SHANK1: variants seen among roughly 807,000 people sequenced by gnomAD.
The protein encoded by SHANK1 is SH3 and multiple ankyrin repeat domains protein 1.
SHANK1 carries 35 observed loss-of-function variants against 165.6 expected under a neutral mutation model. The ratio of observed to expected loss-of-function variants is 0.21; its 90% CI spans 0.16 to 0.28. The LOEUF is 0.28. Among genes scored for constraint, SHANK1 ranks in the 10% least tolerant of loss-of-function variants. The pLI, the probability that SHANK1 is intolerant of heterozygous loss-of-function variation, is 1.00. For missense variants in SHANK1, 2,681 were observed against 3,036.4 expected, an observed-to-expected ratio of 0.88 and a Z score of 2.75; for synonymous variants, 1,428 against 1,384.8, an observed-to-expected ratio of 1.03 and a Z score of -0.69.
At chr19:50,704,052 C>T (rs978635041) in intron 10 of SHANK1, 68 bp downstream of exon 10, 107 of 1,512,160 alleles carry the variant, frequency 7.1e-5, no homozygotes, top group Admixed American at 1.7e-4. Context: ...TCCCCCAACT[C>T]CCCCATCCCA....
chr19:50,660,548 G>T lies in SHANK1; in HGVS notation c.*1417C>A, dbSNP rs558450700. Among the ~76,000 whole-genome samples, 18 of 152,176 alleles carry T rather than the reference G, an allele frequency of 1.2e-4. No homozygotes were observed. The South Asian group carries it at 3.3e-3, about 28-fold the overall frequency. The stretch of plus-strand genomic sequence containing the variant: ...ATAAAAAATAAGCGTGTCAGGAAAA[G>T]AAATGACAGTTACAGCCCAAGAGTG... On this transcript the variant is annotated 3_prime_UTR_variant, in exon 24 of 24. Transcript: ENST00000293441.
chr19:50,709,283 C>A (rs561751720), intron 8 of SHANK1, among the ~76,000 whole-genome samples: 13 of 151,956 alleles, frequency 8.6e-5, no homozygotes, highest in African/African-American at 2.7e-4. Context: ...GGACTACAGG[C>A]GCCCGCCACC....
chr19:50,718,230 C>A lies in SHANK1; in HGVS notation c.-44+1176G>T, dbSNP rs140703134. Among the ~76,000 whole-genome samples the A allele has an allele frequency of 4.0e-3, 615 of 152,148 alleles. 6 individuals carry two copies. Among genetic ancestry groups the A allele is most frequent in the African/African-American group, 0.014 (566 of 41,518 alleles). On this transcript the variant is annotated intron_variant, in intron 1 of 23. Coordinates refer to ENST00000293441, the MANE Select transcript of SHANK1 (RefSeq NM_016148.5). This position sits in a 1 kb window ranked among gnomAD's most constrained non-coding sequence, Gnocchi z 5.1. ...ACCCAGGGCCGGCGGACCCCTCCCC[C>A]ACGCGCGGCAGCGCTGCGAAGCCCC...
rs1392436794 is a variant in SHANK1 at position 50,660,851 on chromosome 19, G to A, written c.*1114C>T. On this transcript the variant is annotated 3_prime_UTR_variant, in exon 24 of 24. Coordinates refer to ENST00000293441, the MANE Select transcript of SHANK1 (RefSeq NM_016148.5). ...GGAGCCTGGCAAAGAAGAAGAGAAT[G>A]AGCATGTGTGAGAGAAACAGTTTCT... Among the ~76,000 whole-genome samples, 1 of 149,304 alleles carries A rather than the reference G, an allele frequency of 6.7e-6. No individual in the cohort carries two copies. The highest frequency in any genetic ancestry group is 2.0e-4 in the East Asian group (1 of 5,012).
At chr19:50,684,721 C>G (rs1986280993) in intron 21 of SHANK1, among the ~76,000 whole-genome samples, 1 of 152,152 alleles carries the variant, frequency 6.6e-6, no homozygotes, top group Admixed American at 6.5e-5. Flanking sequence ...AGACCCATGC[C>G]TGTATCCCCA....
chr19:50,689,463 C>T (rs754455402), intron 15 of SHANK1, 184 bp from the exon 16 acceptor site: 1 of 699,780 alleles, frequency 1.4e-6, no homozygotes, highest in Non-Finnish European at 2.6e-6. Flanking sequence ...GGGCTTCCCC[C>T]TCAGAGCCGG....
rs1985638835 is a variant in SHANK1 at position 50,668,285 on chromosome 19, C to T, written c.3675G>A (p.Thr1225=). The change falls in exon 23 of 24, where the codon ACG becomes ACA. Residue 1225 remains threonine (T), a synonymous_variant. Transcript: ENST00000293441. ...CCCCGAACTGGCTCGTGAAGTCCAG[C>T]GTGGCCGGGCCGCTGGGCGAGGCGG... ...PTPASPSGPA[T]LDFTSQFGAA... 7.6e-7 allele frequency: 1 copy of T among 1,324,092 alleles called. No individual in the cohort carries two copies. The highest frequency in any genetic ancestry group is 9.6e-7 in the Non-Finnish European group (1 of 1,044,764). The allele number at this position is 1,324,092 out of a possible 1,614,324, so 82.0% of individuals were successfully genotyped here. A position where few individuals can be genotyped will look rare whatever the true frequency, so the allele number is the denominator to read the frequency against.
chr19:50,687,516 G>A, intron 19 of SHANK1, 66 bp downstream of exon 19: 2 of 1,289,462 alleles, frequency 1.6e-6, no homozygotes, highest in Non-Finnish European at 2.1e-6. Context: ...ACGAACTCAA[G>A]GGATGGTCCA....
chr19:50,707,881 CT>C (rs1334357898), intron 8 of SHANK1, among the ~76,000 whole-genome samples: 1 of 2,596 alleles, frequency 3.9e-4, no homozygotes, highest in African/African-American at 2.8e-3. Flanking sequence ...GCGTGTTTTT[CT>C]TTTCTTTTCT....
At chr19:50,711,317 G>C in intron 8 of SHANK1, 54 bp downstream of exon 8, 1 of 1,233,050 alleles carries the variant, frequency 8.1e-7, no homozygotes. Context: ...TTGGCCCTGG[G>C]GGAGGCGGCT....
Position 50,711,502 on chromosome 19 carries a change from G to T in SHANK1, c.961-15C>A. 6.4e-7 allele frequency: 1 copy of T among 1,555,258 alleles called. No individual in the cohort carries two copies. The highest frequency in any genetic ancestry group is 2.4e-5 in the East Asian group (1 of 42,364). ...CGCTGGCAGGCCTGGGCAGGACAGG[G>T]AGCGAGGGGCATGGATCAGACCCAG... On this transcript the variant is annotated splice_polypyrimidine_tract_variant and intron_variant, in intron 7 of 23. Transcript: ENST00000293441.
chr19:50,714,353 C>T (rs2089045417), intron 4 of SHANK1, 63 bp from the exon 5 acceptor site: 1 of 1,422,378 alleles, frequency 7.0e-7, no homozygotes, highest in Admixed American at 1.8e-5. Context: ...AAGCAGGGTC[C>T]TCAAGCAGCG....
At chr19:50,711,612 T>G in intron 7 of SHANK1, 125 bp from the exon 8 acceptor site, 1 of 732,366 alleles carries the variant, frequency 1.4e-6, no homozygotes, top group Non-Finnish European at 2.3e-6. Context: ...CACCTCCCCA[T>G]CACCTTTTAG....
At chr19:50,701,364 T>G (rs1249734446) in intron 12 of SHANK1, among the ~76,000 whole-genome samples, 1 of 143,792 alleles carries the variant, frequency 7.0e-6, no homozygotes, top group African/African-American at 2.6e-5. Context: ...TTTTTTTTTT[T>G]GTATTTTTAG....
chr19:50,662,524 G>T lies in SHANK1; in HGVS notation c.5927C>A (p.Ser1976Tyr). 1 of 1,559,434 alleles carries T rather than the reference G, an allele frequency of 6.4e-7. No homozygotes were observed. Among genetic ancestry groups the T allele is most frequent in the Non-Finnish European group, 8.7e-7 (1 of 1,151,594 alleles). ...CTGGAGGTGGCGGGTGGACGTGGAG[G>T]AGGAGGAGGCTGAGGGTGAGGTGGC... ...PGATSPSASS[S>Y]STSTRHLQGV... Residue 1976 changes from serine to tyrosine, a missense_variant, in exon 24 of 24, where the codon TCC becomes TAC. Physicochemically the swap from Ser to Tyr is moderately radical, Grantham distance 144 (BLOSUM62 -2). Around this residue, in one of 10 missense-constraint regions of SHANK1, gnomAD observed 1,713 missense variants for 1,630.2 expected, o/e 1.05. Coordinates refer to ENST00000293441, the MANE Select transcript of SHANK1 (RefSeq NM_016148.5). This position sits in a 1 kb window ranked among gnomAD's most constrained non-coding sequence, Gnocchi z 7.7.
intron 23 of SHANK1, among the ~76,000 whole-genome samples, chr19:50,665,549 AG>A: frequency 7.5e-6 from 1 of 133,564 alleles, no homozygotes. Context: ...CCTGGGCAAT[AG>A]AGTGAGACTC....
At chr19:50,664,901 C>G (rs1232335469) in intron 23 of SHANK1, among the ~76,000 whole-genome samples, 1 of 152,136 alleles carries the variant, frequency 6.6e-6, no homozygotes. Context: ...ACTACAGGTG[C>G]CCACCACCAT....
chr19:50,691,953 G>A (rs1468743801), intron 15 of SHANK1, among the ~76,000 whole-genome samples: 1 of 152,036 alleles, frequency 6.6e-6, no homozygotes, highest in East Asian at 1.9e-4. Context: ...CCAAAGTGTT[G>A]GGATTACAGG....
chr19:50,692,429 T>G (rs1352614298), intron 15 of SHANK1, among the ~76,000 whole-genome samples: 6 of 139,940 alleles, frequency 4.3e-5, no homozygotes, highest in Admixed American at 4.2e-4. Flanking sequence ...GCTAGAAAAA[T>G]GTCAAAGCCA....
Sources: allele counts gnomAD v4.1 joint callset (sites outside exome capture counted in the v4.1 genomes callset), GRCh38; gene constraint gnomAD v4.1.1; regional missense constraint gnomAD v4.1.1; non-coding constraint Gnocchi (gnomAD v3.1); transcripts MANE v1.5; gene names NCBI Gene and HGNC (gene_info 2026-07-23, HGNC 2026-07-21).